The following RASGRF1 variants were observed in gnomAD, a reference collection of about 807,000 sequenced individuals.
The protein encoded by RASGRF1 is Ras protein specific guanine nucleotide releasing factor 1, also known as ras-specific guanine nucleotide-releasing factor 1.
Under a neutral mutation model 138.7 loss-of-function variants are expected in RASGRF1, and 40 were observed. The observed-to-expected ratio is 0.29, with a 90% CI of 0.22 to 0.38. RASGRF1 has a LOEUF of 0.38. Among genes scored for constraint, RASGRF1 ranks in the 10% least tolerant of loss-of-function variants. The pLI, the probability that RASGRF1 is intolerant of heterozygous loss-of-function variation, is 1.00. For synonymous variants in RASGRF1, 614 were observed against 663.2 expected (o/e 0.93, Z 1.14); for missense variants, 1,108 against 1,650.4 (o/e 0.67, Z 5.69).
intron 26 of RASGRF1, among the ~76,000 whole-genome samples, chr15:78,971,425 G>A (rs1036707274): frequency 1.3e-5 from 2 of 152,210 alleles, no homozygotes; most frequent in Non-Finnish European, 2.9e-5. Context: ...AGAATGGTAT[G>A]CAAAGTTGGC....
intron 6 of RASGRF1, among the ~76,000 whole-genome samples, chr15:79,033,347 A>T (rs747872428): frequency 5.9e-5 from 9 of 151,784 alleles, no homozygotes; most frequent in Non-Finnish European, 1.3e-4. Flanking sequence ...TGTTCAAGTG[A>T]TTCTCCCACC....
rs777703041 is a variant in RASGRF1, at chr15:79,032,226, C to T, written c.1049G>A (p.Cys350Tyr). 5 of 1,614,018 alleles carry T rather than the reference C, an allele frequency of 3.1e-6. No individual in the cohort carries two copies. The South Asian group carries it at 5.5e-5, about 18-fold the overall frequency. ...HQYSLQILAH[C>Y]KQNRDFDKLL... ...CTTGTCGAAGTCACGGTTCTGCTTG[C>T]AGTGGGCCAGGATCTGCAGGCTGTA... The change falls in exon 7 of 27, where the codon TGC (cysteine) becomes TAC (tyrosine). Residue 350 changes from cysteine (C) to tyrosine (Y), a missense_variant. By Grantham distance (194) the Cys-to-Tyr change is radical. Transcript: ENST00000558480. This position sits in a 1 kb window ranked among gnomAD's most constrained non-coding sequence, Gnocchi z 4.5.
Position 79,046,417 on chromosome 15 carries a change from C to A in RASGRF1, c.878+329G>T, listed in dbSNP as rs1595935177. 6.6e-6 allele frequency among the ~76,000 whole-genome samples: 1 copy of A among 152,364 alleles called. No individual in the cohort carries two copies. Among genetic ancestry groups the A allele is most frequent in the East Asian group, 1.9e-4 (1 of 5,192 alleles). On this transcript the variant is annotated intron_variant, in intron 5 of 26. Coordinates refer to ENST00000558480, the MANE Select transcript of RASGRF1 (RefSeq NM_001145648.3). The surrounding 1 kb of genome is among the most constrained non-coding windows in gnomAD (Gnocchi z 5.3). ...TATTTAGCAGCACCTCTGGCCTCTA[C>A]CCATTAGATGCCAACAGCAACCTCC...
At position 79,012,341 on chromosome 15, in the gene RASGRF1, G is replaced by A. The variant is rs185851953; in HGVS notation, c.1826+2986C>T. ...TCCATAAGAAACCATCCTCAACTGT[G>A]CCAGGTAGATCTATCACTCATCTTC... is the stretch of plus-strand genomic sequence containing the variant. On this transcript the variant is annotated intron_variant, in intron 13 of 26. Transcript: ENST00000558480. 3.1e-5 allele frequency: 20 copies of A among 643,228 alleles called. No individual in the cohort carries two copies. The East Asian group carries it at 5.2e-4, about 17-fold the overall frequency. The allele number at this position is 643,228 out of a possible 1,614,324, so 39.8% of individuals were successfully genotyped here. A position where few individuals can be genotyped will look rare whatever the true frequency, so the allele number is the denominator to read the frequency against.
chr15:79,026,069 G>C (rs943521164), intron 9 of RASGRF1, among the ~76,000 whole-genome samples: 2 of 152,118 alleles, frequency 1.3e-5, no homozygotes, highest in African/African-American at 4.8e-5. Flanking sequence ...CCATTACTGA[G>C]CAGAGTAGGT....
intron 13 of RASGRF1, among the ~76,000 whole-genome samples, chr15:79,008,290 C>T (rs1299759610): frequency 2.0e-5 from 3 of 152,246 alleles, no homozygotes; most frequent in East Asian, 3.9e-4. Flanking sequence ...TAAACTTTAT[C>T]GAGTGCCTTC....
intron 1 of RASGRF1, among the ~76,000 whole-genome samples, chr15:79,065,460 G>A (rs1276230936): frequency 6.6e-6 from 1 of 152,096 alleles, no homozygotes; most frequent in Non-Finnish European, 1.5e-5. Context: ...CGTGGGAGGA[G>A]AGAGCAGCAG....
chr15:78,990,138 G>A (rs376067261), intron 22 of RASGRF1, 51 bp downstream of exon 22: 66 of 1,396,592 alleles, frequency 4.7e-5, no homozygotes, highest in Admixed American at 2.2e-4. Flanking sequence ...CCTCTTGAGC[G>A]TCTTGCCAAA....
intron 9 of RASGRF1, among the ~76,000 whole-genome samples, chr15:79,026,549 C>T (rs904915304): frequency 1.3e-5 from 2 of 152,152 alleles, no homozygotes; most frequent in Admixed American, 6.5e-5. Context: ...ACCCCCTGTA[C>T]GTCTGGCATG....
intron 23 of RASGRF1, among the ~76,000 whole-genome samples, chr15:78,982,662 A>G (rs2056060098): frequency 6.6e-6 from 1 of 152,106 alleles, no homozygotes; most frequent in African/African-American, 2.4e-5. Context: ...AGGAAGAAAG[A>G]TGATTTTGTG....
At chr15:79,036,525 A>C (rs1319328298) in intron 5 of RASGRF1, among the ~76,000 whole-genome samples, 1 of 152,186 alleles carries the variant, frequency 6.6e-6, no homozygotes, top group African/African-American at 2.4e-5. Context: ...GCTCTGAGGC[A>C]GCCCTCCTCC....
Position 79,067,799 on chromosome 15 carries a change from A to C in RASGRF1, c.277-3273T>G, listed in dbSNP as rs139849742. Among the ~76,000 whole-genome samples, 933 of 152,190 alleles carry C rather than the reference A, an allele frequency of 6.1e-3. 12 individuals carry two copies. The highest frequency in any genetic ancestry group is 0.022 in the African/African-American group (898 of 41,506). ...AGACAGAGACAGAGATAAGATAGAG[A>C]TAGATGGGTGGGGGGCAGGTGGGAG... On this transcript the variant is annotated intron_variant, in intron 1 of 26. Transcript: ENST00000558480.
At chr15:78,985,341 G>A in intron 22 of RASGRF1, 137 bp from the exon 23 acceptor site, 1 of 924,318 alleles carries the variant, frequency 1.1e-6, no homozygotes, top group Non-Finnish European at 1.6e-6. Flanking sequence ...AACTAACAGA[G>A]CTTGCTAGGG....
intron 26 of RASGRF1, among the ~76,000 whole-genome samples, chr15:78,967,309 G>T (rs1257727061): frequency 6.6e-6 from 1 of 152,016 alleles, no homozygotes; most frequent in East Asian, 1.9e-4. Flanking sequence ...ACTTTGGGAG[G>T]CCGAGGCAGG....
At chr15:78,964,145 A>G (rs1310497071) in intron 26 of RASGRF1, among the ~76,000 whole-genome samples, 1 of 152,022 alleles carries the variant, frequency 6.6e-6, no homozygotes, top group Non-Finnish European at 1.5e-5. Flanking sequence ...GCAGTTAATG[A>G]AAGAAGTCTG....
At chr15:79,058,826 G>T (rs1433087636) in intron 2 of RASGRF1, among the ~76,000 whole-genome samples, 4 of 152,206 alleles carry the variant, frequency 2.6e-5, no homozygotes. Context: ...AAGATTTTGT[G>T]CTTCTGTGAT....
rs746400693 is a variant in RASGRF1 at position 79,025,308 on chromosome 15, C to G, written c.1542+6G>C. 4 of 1,604,902 alleles carry G rather than the reference C, an allele frequency of 2.5e-6. No homozygotes were observed. In the African/African-American group the frequency reaches 4.0e-5, roughly 16 times the overall value. On this transcript the variant is annotated splice_donor_region_variant and intron_variant, in intron 10 of 26. Transcript: ENST00000558480. ...AGCCCCCAAGCCCCTCTCCCGTAGCCCTTACCTTGGTCAAGTGAAGCTTCC... is the reference window on the plus strand; with the variant it reads ...AGCCCCCAAGCCCCTCTCCCGTAGCGCTTACCTTGGTCAAGTGAAGCTTCC...
At chr15:79,072,307 A>G (rs2057771236) in intron 1 of RASGRF1, among the ~76,000 whole-genome samples, 2 of 68,506 alleles carry the variant, frequency 2.9e-5, no homozygotes, top group East Asian at 7.5e-4. Flanking sequence ...ACGCAGTCTC[A>G]CTCTGTTGCC....
At chr15:79,007,151 G>A (rs1055202986) in intron 13 of RASGRF1, among the ~76,000 whole-genome samples, 4 of 152,278 alleles carry the variant, frequency 2.6e-5, no homozygotes, top group African/African-American at 9.6e-5. Context: ...CTGTCAAGAT[G>A]TAAGGACAGG....
Sources: allele counts gnomAD v4.1 joint callset (sites outside exome capture counted in the v4.1 genomes callset), GRCh38; gene constraint gnomAD v4.1.1; non-coding constraint Gnocchi (gnomAD v3.1); transcripts MANE v1.5; gene names NCBI Gene and HGNC (gene_info 2026-07-23, HGNC 2026-07-21).